The following EML5 variants were observed in gnomAD, a reference collection of about 807,000 sequenced individuals.
EML5 encodes the protein echinoderm microtubule-associated protein-like 5.
Under a neutral mutation model 250.0 loss-of-function variants are expected in EML5, and 120 were observed. The ratio of observed to expected loss-of-function variants is 0.48; its 90% CI spans 0.41 to 0.56. The LOEUF is 0.56. Among genes scored for constraint, EML5 ranks in the 20% least tolerant of loss-of-function variants. The pLI is 0.00. For missense variants in EML5, 2,006 were observed against 2,437.6 expected, an observed-to-expected ratio of 0.82 and a Z score of 3.73; for synonymous variants, 771 against 806.5, an observed-to-expected ratio of 0.96 and a Z score of 0.75.
chr14:88,756,001 G>A (rs1424723495), intron 1 of EML5, among the ~76,000 whole-genome samples: 2 of 152,112 alleles, frequency 1.3e-5, no homozygotes, highest in Non-Finnish European at 2.9e-5. Flanking sequence ...GGGCTTCTGG[G>A]CCAGATCCTG....
Position 88,679,553 on chromosome 14 carries a change from G to A in EML5, c.3124+2337C>T, listed in dbSNP as rs151155697. On this transcript the variant is annotated intron_variant, in intron 21 of 43. Coordinates refer to ENST00000554922, the MANE Select transcript of EML5 (RefSeq NM_183387.3). Reference sequence around the variant, plus strand: ...CTAAAAATACAAAAATAAGCCAGCCGTGGTGGCGCACGCCTGTAGTCCCTG... The same window carrying A: ...CTAAAAATACAAAAATAAGCCAGCCATGGTGGCGCACGCCTGTAGTCCCTG... 6.5e-3 allele frequency among the ~76,000 whole-genome samples: 995 copies of A among 152,106 alleles called. 4 individuals carry two copies. The highest frequency in any genetic ancestry group is 0.023 in the African/African-American group (943 of 41,490).
At chr14:88,661,366 G>C (rs1168927850) in intron 25 of EML5, among the ~76,000 whole-genome samples, 1 of 152,184 alleles carries the variant, frequency 6.6e-6, no homozygotes, top group Non-Finnish European at 1.5e-5. Flanking sequence ...ACTATACTGG[G>C]ATTATAGGCA....
At chr14:88,753,993 C>T (rs926499954) in intron 2 of EML5, among the ~76,000 whole-genome samples, 1 of 151,824 alleles carries the variant, frequency 6.6e-6, no homozygotes, top group African/African-American at 2.4e-5. Context: ...AAAAATTAGC[C>T]AGGCATGATG....
chr14:88,675,104 T>C (rs1287105276), intron 21 of EML5, among the ~76,000 whole-genome samples: 1 of 152,212 alleles, frequency 6.6e-6, no homozygotes, highest in East Asian at 1.9e-4. Flanking sequence ...TCCAGGCACA[T>C]GGTGCAAGCT....
At chr14:88,716,732 AACACACACACAC>A (rs58701181) in intron 8 of EML5, among the ~76,000 whole-genome samples, 3 of 148,186 alleles carry the variant, frequency 2.0e-5, no homozygotes, top group Admixed American at 1.4e-4. Flanking sequence ...ACTGCTCACC[AACACACACACAC>A]ACACACACAC....
At position 88,706,324 on chromosome 14, in the gene EML5, G is replaced by C. The variant is rs764389099; in HGVS notation, c.1760C>G (p.Ser587Cys). The change falls in exon 11 of 44, where the codon TCT (serine) becomes TGT (cysteine). Residue 587 changes from serine (S) to cysteine (C), a missense_variant. By Grantham distance (112) the Ser-to-Cys change is moderately radical. Around this residue, in one of 7 missense-constraint regions of EML5, gnomAD observed 1,375 missense variants for 1,590.3 expected, o/e 0.86. Coordinates refer to ENST00000554922, the MANE Select transcript of EML5 (RefSeq NM_183387.3). ...WVISIGGADH[S>C]VFQWKFIPER... The stretch of plus-strand genomic sequence containing the variant: ...AGGAATAAATTTCCACTGAAAGACA[G>C]AGTGATCTGCTCCACCAATAGAAAT... 2 of 1,610,272 alleles carry C rather than the reference G, an allele frequency of 1.2e-6. No individual in the cohort carries two copies. Among genetic ancestry groups the C allele is most frequent in the South Asian group, 2.2e-5 (2 of 90,264 alleles).
chr14:88,638,625 C>T (rs1165081372), intron 32 of EML5, among the ~76,000 whole-genome samples, 184 bp downstream of exon 32: 3 of 152,082 alleles, frequency 2.0e-5, no homozygotes, highest in African/African-American at 7.2e-5. Flanking sequence ...CTCAGATAAC[C>T]AGAGTGAGTG....
intron 18 of EML5, among the ~76,000 whole-genome samples, chr14:88,687,996 A>G (rs113031921): frequency 0.059 from 8,944 of 152,238 alleles, 706 homozygotes; most frequent in African/African-American, 0.17. Flanking sequence ...TCTTGAGCCC[A>G]GGAGCTGGAG....
At chr14:88,760,452 CA>C (rs2094222849) in intron 1 of EML5, among the ~76,000 whole-genome samples, 1 of 151,170 alleles carries the variant, frequency 6.6e-6, no homozygotes, top group South Asian at 2.1e-4. Flanking sequence ...GCACTTTTGT[CA>C]AAAATCAATT....
At chr14:88,617,283 G>A (rs2087805668) in intron 41 of EML5, 1 of 158,026 alleles carries the variant, frequency 6.3e-6, no homozygotes, top group Non-Finnish European at 1.4e-5. Flanking sequence ...GAGTAGCTGG[G>A]ATCACAGGCA....
At chr14:88,777,297 C>T (rs1406852282) in intron 1 of EML5, among the ~76,000 whole-genome samples, 2 of 152,006 alleles carry the variant, frequency 1.3e-5, no homozygotes, top group Non-Finnish European at 2.9e-5. Context: ...ATTTAAAGTT[C>T]TGAAGTAAAA....
At chr14:88,634,826 A>G (rs1216071977) in intron 32 of EML5, among the ~76,000 whole-genome samples, 2 of 152,130 alleles carry the variant, frequency 1.3e-5, no homozygotes, top group Admixed American at 6.5e-5. Context: ...CTAATAATAG[A>G]CTCTCTGGAG....
intron 8 of EML5, among the ~76,000 whole-genome samples, chr14:88,719,519 T>C (rs1338347363): frequency 6.6e-6 from 1 of 152,204 alleles, no homozygotes; most frequent in Non-Finnish European, 1.5e-5. Flanking sequence ...TATTATGAAG[T>C]CTCTCTCACT....
intron 32 of EML5, among the ~76,000 whole-genome samples, 179 bp downstream of exon 32, chr14:88,638,626 AGAGT>A (rs2090874070): frequency 6.6e-6 from 1 of 152,388 alleles, no homozygotes; most frequent in South Asian, 2.1e-4. Flanking sequence ...TCAGATAACC[AGAGT>A]GAGTGAGAGA....
chr14:88,638,983 A>C, intron 31 of EML5, 76 bp from the exon 32 acceptor site: 1 of 1,065,718 alleles, frequency 9.4e-7, no homozygotes, highest in Non-Finnish European at 1.4e-6. Context: ...CAGAACAATA[A>C]ACTACTCTTT....
chr14:88,621,726 C>T (rs2088979620), intron 37 of EML5: 42 of 303,816 alleles, frequency 1.4e-4, no homozygotes, highest in South Asian at 1.3e-3. Context: ...TATAAATACA[C>T]TTAATAAGTA....
rs1359663469 is a variant in EML5, at chr14:88,638,757, T to C, written c.4336+52A>G. On this transcript the variant is annotated intron_variant, in intron 32 of 43. Transcript: ENST00000554922. The stretch of plus-strand genomic sequence containing the variant: ...TTTTTTCCTTGGATATTGAATTTAT[T>C]TGAACAAAGCAAATGCTTTAAATTG... 3.5e-6 allele frequency: 5 copies of C among 1,428,336 alleles called. No individual in the cohort carries two copies. In the African/African-American group the frequency reaches 4.3e-5, roughly 12 times the overall value. The allele number at this position is 1,428,336 out of a possible 1,614,324, so 88.5% of individuals were successfully genotyped here. A position where few individuals can be genotyped will look rare whatever the true frequency, so the allele number is the denominator to read the frequency against.
At chr14:88,731,049 A>T (rs1365318284) in intron 7 of EML5, among the ~76,000 whole-genome samples, 1 of 152,098 alleles carries the variant, frequency 6.6e-6, no homozygotes, top group Non-Finnish European at 1.5e-5. Context: ...TTTTGTAGTT[A>T]TAACAGCTGC....
intron 8 of EML5, 108 bp from the exon 9 acceptor site, chr14:88,715,303 C>G (rs1297529315): frequency 1.8e-6 from 2 of 1,118,766 alleles, no homozygotes; most frequent in Non-Finnish European, 2.5e-6. Flanking sequence ...TGTTTATAAA[C>G]TATAAAGTAA....
Sources: allele counts gnomAD v4.1 joint callset (sites outside exome capture counted in the v4.1 genomes callset), GRCh38; gene constraint gnomAD v4.1.1; regional missense constraint gnomAD v4.1.1; transcripts MANE v1.5; gene names NCBI Gene and HGNC (gene_info 2026-07-23, HGNC 2026-07-21).